Variants in EYS observed in about 807,000 individuals in gnomAD.
EYS encodes the protein EGF-like photoreceptor maintenance factor.
In EYS, 250 loss-of-function variants were observed where a neutral mutation model predicts 282.1. The observed-to-expected ratio is 0.89, with a 90% confidence interval of 0.80 to 0.98. The LOEUF (loss-of-function observed/expected upper bound fraction) is 0.98, where lower values mean the gene tolerates loss of function less well. Among genes scored for constraint, EYS ranks in the 50% least tolerant of loss-of-function variants. EYS has a pLI of 0.00. For synonymous variants in EYS, 1,355 were observed against 1,282.9 expected, an observed-to-expected ratio of 1.06 and a Z score of -1.20; for missense variants, 4,016 against 3,709.0, an observed-to-expected ratio of 1.08 and a Z score of -2.15.
intron 2 of EYS, among the ~76,000 whole-genome samples, chr6:65,588,381 T>C (rs1451315270): frequency 3.9e-5 from 6 of 152,026 alleles, no homozygotes; most frequent in Non-Finnish European, 8.8e-5. Flanking sequence ...TATCTCCAGA[T>C]GTGGGCCTGT....
At chr6:64,599,664 A>G (rs950139207) in intron 24 of EYS, among the ~76,000 whole-genome samples, 20 of 152,142 alleles carry the variant, frequency 1.3e-4, no homozygotes, top group African/African-American at 4.8e-4. Flanking sequence ...AAAATAAAGT[A>G]TGGTTTAAAG....
At chr6:64,447,033 A>C (rs1775139897) in intron 26 of EYS, among the ~76,000 whole-genome samples, 1 of 151,858 alleles carries the variant, frequency 6.6e-6, no homozygotes, top group Non-Finnish European at 1.5e-5. Flanking sequence ...TGTTAAGTGA[A>C]GTATTAATTT....
chr6:64,699,655 G>C (rs1049991317), intron 22 of EYS, among the ~76,000 whole-genome samples: 2 of 151,942 alleles, frequency 1.3e-5, no homozygotes, highest in Non-Finnish European at 2.9e-5. Context: ...GGAAGAAATA[G>C]AAATCCTGAA....
chr6:65,250,179 GC>G (rs1476869758), intron 12 of EYS, among the ~76,000 whole-genome samples: 1 of 152,038 alleles, frequency 6.6e-6, no homozygotes, highest in Non-Finnish European at 1.5e-5. Flanking sequence ...TACCATAGTT[GC>G]TTTCGGTTAA....
chr6:65,418,694 CAG>C (rs1308211315), intron 5 of EYS, among the ~76,000 whole-genome samples: 8 of 151,940 alleles, frequency 5.3e-5, no homozygotes, highest in Non-Finnish European at 1.0e-4. Context: ...CACATGGAAA[CAG>C]AGACCTGTTG....
chr6:63,728,467 A>G (rs2149633450), intron 41 of EYS, among the ~76,000 whole-genome samples: 1 of 152,308 alleles, frequency 6.6e-6, no homozygotes, highest in Non-Finnish European at 1.5e-5. Context: ...CTGAGTGGAA[A>G]GTATTAGGGT....
intron 1 of EYS, among the ~76,000 whole-genome samples, chr6:65,694,531 C>T (rs1236291714): frequency 6.7e-6 from 1 of 149,546 alleles, no homozygotes; most frequent in African/African-American, 2.4e-5. Flanking sequence ...AATTTCTAAG[C>T]AGAGATCGCC....
chr6:64,576,295 A>G (rs1005354325), intron 26 of EYS, among the ~76,000 whole-genome samples: 4 of 152,092 alleles, frequency 2.6e-5, no homozygotes, highest in Non-Finnish European at 4.4e-5. Flanking sequence ...CTTTGGAAGT[A>G]ACTTCCACAA....
chr6:63,816,170 G>A (rs1771173279), intron 36 of EYS, among the ~76,000 whole-genome samples: 1 of 152,082 alleles, frequency 6.6e-6, no homozygotes, highest in South Asian at 2.1e-4. Context: ...TATCATACAT[G>A]ATTCACAAGG....
chr6:65,057,594 T>C lies in EYS; in HGVS notation c.2137+20A>G, dbSNP rs2150157620. The C allele has an allele frequency of 7.1e-7, 1 of 1,399,808 alleles. No individual in the cohort carries two copies. Among genetic ancestry groups the C allele is most frequent in the Non-Finnish European group, 9.9e-7 (1 of 1,008,522 alleles). The allele number at this position is 1,399,808 out of a possible 1,614,324, so 86.7% of individuals were successfully genotyped here. ...AAAGTTAATTATGTTTGCTTTTCCTTATCCCTTGGTGTTCATTACCTTTAA... is the reference window on the plus strand; with the variant it reads ...AAAGTTAATTATGTTTGCTTTTCCTCATCCCTTGGTGTTCATTACCTTTAA... On this transcript the variant is annotated intron_variant, in intron 13 of 42. Coordinates refer to ENST00000503581, the MANE Select transcript of EYS (RefSeq NM_001142800.2).
At chr6:63,895,515 C>T (rs929268693) in intron 35 of EYS, among the ~76,000 whole-genome samples, 3 of 152,190 alleles carry the variant, frequency 2.0e-5, no homozygotes, top group East Asian at 1.9e-4. Flanking sequence ...AGTGGTCAAC[C>T]TGTGCTAGCC....
chr6:63,999,678 T>A (rs751395760), intron 33 of EYS, among the ~76,000 whole-genome samples: 19 of 152,172 alleles, frequency 1.2e-4, no homozygotes, highest in Admixed American at 2.0e-4. Flanking sequence ...TGTGATACAG[T>A]TATCAGAACT....
chr6:64,035,616 C>T (rs993811977), intron 33 of EYS, among the ~76,000 whole-genome samples: 9 of 152,200 alleles, frequency 5.9e-5, no homozygotes, highest in African/African-American at 2.2e-4. Context: ...GATGCAACTA[C>T]ATCCCTGAAA....
intron 35 of EYS, among the ~76,000 whole-genome samples, chr6:63,971,269 T>G (rs2149783610): frequency 6.6e-6 from 1 of 152,350 alleles, no homozygotes; most frequent in East Asian, 1.9e-4. Context: ...ATCCTAGCAT[T>G]ATCTGGGTTT....
intron 22 of EYS, among the ~76,000 whole-genome samples, chr6:64,642,023 C>T (rs1302822548): frequency 2.0e-5 from 3 of 152,134 alleles, no homozygotes; most frequent in African/African-American, 7.2e-5. Context: ...GCTGTTACTA[C>T]CACTGTGTCC....
At position 63,766,827 on chromosome 6, in the gene EYS, T is replaced by G. The variant is rs543476903; in HGVS notation, c.7899-4194A>C. On this transcript the variant is annotated intron_variant, in intron 40 of 42. Transcript: ENST00000503581. ...GTTGGGACCATGAAAGAGTATGGTG[T>G]TGTTAGTGAAATAGGGACAACTGGA... Among the ~76,000 whole-genome samples, 127 of 152,010 alleles carry G rather than the reference T, an allele frequency of 8.4e-4. 1 individual carries two copies. The highest frequency in any genetic ancestry group is 2.8e-3 in the African/African-American group (118 of 41,516).
chr6:65,500,871 T>G lies in EYS; in HGVS notation c.-332-4878A>C, dbSNP rs183433906. Among the ~76,000 whole-genome samples, 180 of 152,008 alleles carry G rather than the reference T, an allele frequency of 1.2e-3. 1 individual carries two copies. The highest frequency in any genetic ancestry group is 2.3e-3 in the Non-Finnish European group (154 of 67,888). On this transcript the variant is annotated intron_variant, in intron 2 of 42. Coordinates refer to ENST00000503581, the MANE Select transcript of EYS (RefSeq NM_001142800.2). ...GGAGGTAGAAAGAGCCACAAGACTG[T>G]CACAGATGAGCTGAAGAATGAAGTG... is the stretch of plus-strand genomic sequence containing the variant.
intron 1 of EYS, among the ~76,000 whole-genome samples, chr6:65,677,105 G>GAA (rs58880200): frequency 4.9e-3 from 527 of 106,746 alleles, no homozygotes; most frequent in East Asian, 0.01. Flanking sequence ...AGTCATTGGT[G>GAA]AAAAAAAAAA....
intron 13 of EYS, among the ~76,000 whole-genome samples, chr6:65,028,416 A>G (rs931972400): frequency 2.6e-5 from 4 of 151,932 alleles, no homozygotes; most frequent in African/African-American, 9.7e-5. Context: ...TTACTGCAGT[A>G]TGTGTTTTCT....
Sources: gnomAD v4.1 joint callset for allele counts (sites outside exome capture counted in the v4.1 genomes callset) on GRCh38, gnomAD v4.1.1 for gene constraint, MANE v1.5 for transcripts, NCBI Gene and HGNC (gene_info 2026-07-23, HGNC 2026-07-21) for gene names.